RUNX1: variants seen among roughly 807,000 people sequenced by gnomAD.
The protein encoded by RUNX1 is runt-related transcription factor 1.
In RUNX1, 19 loss-of-function variants were observed where a neutral mutation model predicts 42.8. The observed-to-expected ratio is 0.44, with a 90% CI of 0.31 to 0.65. RUNX1 has a LOEUF of 0.65. RUNX1 is among the 30% of genes least tolerant of loss of function. RUNX1 has a pLI of 0.07. For synonymous variants in RUNX1, 271 were observed against 289.4 expected, an observed-to-expected ratio of 0.94 and a Z score of 0.64; for missense variants, 528 against 672.0, an observed-to-expected ratio of 0.79 and a Z score of 2.37.
At chr21:34,861,032 T>G in intron 5 of RUNX1, among the ~76,000 whole-genome samples, 1 of 152,104 alleles carries the variant, frequency 6.6e-6, no homozygotes, top group Admixed American at 6.5e-5. Flanking sequence ...ATAAACGAGG[T>G]GAGGATGCTT....
chr21:34,891,928 T>G (rs1184401373), intron 3 of RUNX1, among the ~76,000 whole-genome samples: 1 of 152,184 alleles, frequency 6.6e-6, no homozygotes, highest in Non-Finnish European at 1.5e-5. Context: ...GTTTTTCTTC[T>G]ACAACTTTAG....
At position 34,879,507 on chromosome 21, in the gene RUNX1, T is replaced by C. The variant is rs74276024; in HGVS notation, c.508+1050A>G. Among the ~76,000 whole-genome samples the C allele has an allele frequency of 3.3e-5, 5 of 152,296 alleles. No individual in the cohort carries two copies. In the East Asian group the frequency reaches 5.8e-4, roughly 18 times the overall value. On this transcript the variant is annotated intron_variant, in intron 5 of 8. Coordinates refer to ENST00000675419, the MANE Select transcript of RUNX1 (RefSeq NM_001754.5). ...GAACTGAGATTTTCTTGTTTTTAAA[T>C]GCCTTTTTAAAGAGTAATAATTTCT... is the stretch of plus-strand genomic sequence containing the variant.
At chr21:34,998,562 G>A (rs2059014377) in intron 2 of RUNX1, among the ~76,000 whole-genome samples, 2 of 151,620 alleles carry the variant, frequency 1.3e-5, no homozygotes, top group Non-Finnish European at 2.9e-5. Context: ...TTTTTTTTGA[G>A]ATGGAGTCTT....
intron 6 of RUNX1, among the ~76,000 whole-genome samples, chr21:34,842,492 CAAAAAAAAAAA>C (rs371971118): frequency 3.8e-5 from 2 of 52,218 alleles, no homozygotes; most frequent in Non-Finnish European, 6.5e-5. Context: ...GAGACCTCTC[CAAAAAAAAAAA>C]AAAAAAAAAA....
intron 2 of RUNX1, among the ~76,000 whole-genome samples, chr21:35,030,872 C>T (rs1292416058): frequency 6.6e-6 from 1 of 152,058 alleles, no homozygotes; most frequent in Non-Finnish European, 1.5e-5. Flanking sequence ...TCAAACAACT[C>T]AATAGCAAGG....
chr21:34,842,804 C>T (rs896897189), intron 6 of RUNX1, among the ~76,000 whole-genome samples: 1 of 152,132 alleles, frequency 6.6e-6, no homozygotes, highest in African/African-American at 2.4e-5. Flanking sequence ...CGCGGTGGCT[C>T]ATGCCTGTAA....
At chr21:34,974,714 C>A (rs2058788264) in intron 2 of RUNX1, among the ~76,000 whole-genome samples, 1 of 152,166 alleles carries the variant, frequency 6.6e-6, no homozygotes, top group Non-Finnish European at 1.5e-5. Context: ...CTAAGTAGTT[C>A]CCTGGGACTT....
chr21:34,955,981 A>G (rs2058641077), intron 2 of RUNX1, among the ~76,000 whole-genome samples: 1 of 152,146 alleles, frequency 6.6e-6, no homozygotes, highest in South Asian at 2.1e-4. Flanking sequence ...TTTTTTCCTC[A>G]TGCATATGCA....
intron 7 of RUNX1, among the ~76,000 whole-genome samples, chr21:34,816,242 G>A (rs771913437): frequency 2.0e-5 from 3 of 152,202 alleles, no homozygotes; most frequent in African/African-American, 2.4e-5. Context: ...CTTCCTCAAC[G>A]ACTCATGCAC....
At chr21:34,889,606 G>A (rs916446856) in intron 3 of RUNX1, 142 of 1,011,018 alleles carry the variant, frequency 1.4e-4, no homozygotes, top group Non-Finnish European at 1.3e-4. Context: ...CTCCCCTCCG[G>A]CTCCCCGGAA....
intron 7 of RUNX1, among the ~76,000 whole-genome samples, chr21:34,800,304 GA>G (rs2056591023): frequency 6.6e-6 from 1 of 152,228 alleles, no homozygotes; most frequent in Admixed American, 6.5e-5. Context: ...GTTTGCAGAT[GA>G]AAAGGGGAGG....
intron 7 of RUNX1, among the ~76,000 whole-genome samples, chr21:34,828,915 C>T (rs181921283): frequency 2.7e-4 from 41 of 152,344 alleles, no homozygotes; most frequent in Admixed American, 7.8e-4. Flanking sequence ...ATATATAAGA[C>T]TACGACAACT....
At chr21:35,002,369 C>A (rs1047870535) in intron 2 of RUNX1, among the ~76,000 whole-genome samples, 1 of 150,246 alleles carries the variant, frequency 6.7e-6, no homozygotes, top group East Asian at 1.9e-4. Flanking sequence ...GTATCATTTT[C>A]CCACACAGCA....
intron 7 of RUNX1, among the ~76,000 whole-genome samples, chr21:34,824,471 C>T (rs970523977): frequency 6.6e-6 from 1 of 152,124 alleles, no homozygotes; most frequent in Non-Finnish European, 1.5e-5. Flanking sequence ...AGAAGAAAAG[C>T]CTATGAAAAG....
chr21:34,884,801 C>T (rs1448215764), intron 4 of RUNX1, among the ~76,000 whole-genome samples: 4 of 152,142 alleles, frequency 2.6e-5, no homozygotes, highest in African/African-American at 9.7e-5. Flanking sequence ...CCTTTCCTTT[C>T]CCCTAAATGT....
chr21:34,956,343 A>T lies in RUNX1; in HGVS notation c.59-63380T>A, dbSNP rs906052756. ...ATTTACCTGAAAATTCACTCAAAAA[A>T]GTCTCTCATTTGAAAGATGAACTGG... On this transcript the variant is annotated intron_variant, in intron 2 of 8. Coordinates refer to ENST00000675419, the MANE Select transcript of RUNX1 (RefSeq NM_001754.5). Among the ~76,000 whole-genome samples, 13 of 152,356 alleles carry T rather than the reference A, an allele frequency of 8.5e-5. No homozygotes were observed. In the East Asian group the frequency reaches 2.3e-3, roughly 27 times the overall value.
At chr21:34,862,184 C>T (rs1249694244) in intron 5 of RUNX1, among the ~76,000 whole-genome samples, 2 of 152,042 alleles carry the variant, frequency 1.3e-5, no homozygotes, top group African/African-American at 2.4e-5. Flanking sequence ...GGATGCAATA[C>T]AAACGATTTT....
intron 2 of RUNX1, among the ~76,000 whole-genome samples, chr21:34,926,950 G>A (rs997484888): frequency 6.6e-6 from 1 of 152,126 alleles, no homozygotes; most frequent in Non-Finnish European, 1.5e-5. Flanking sequence ...GTTCTGGAGT[G>A]GTTTCTCTCA....
intron 2 of RUNX1, among the ~76,000 whole-genome samples, chr21:34,921,799 T>A (rs994573176): frequency 6.6e-6 from 1 of 151,976 alleles, no homozygotes; most frequent in African/African-American, 2.4e-5. Context: ...ACCTGGCGAA[T>A]TTTTTTGTAT....
Sources: gnomAD v4.1 joint callset for allele counts (sites outside exome capture counted in the v4.1 genomes callset) on GRCh38, gnomAD v4.1.1 for gene constraint, MANE v1.5 for transcripts, NCBI Gene and HGNC (gene_info 2026-07-23, HGNC 2026-07-21) for gene names.